LEKR1: variants seen among roughly 807,000 people sequenced by gnomAD.
LEKR1 encodes protein LEKR1.
In LEKR1, 59 loss-of-function variants were observed where a neutral mutation model predicts 72.4. That is an observed-to-expected ratio of 0.82 (90% confidence interval 0.66 to 1.01). The LOEUF (loss-of-function observed/expected upper bound fraction) is 1.01, where lower values mean the gene tolerates loss of function less well. Among genes scored for constraint, LEKR1 ranks in the 50% least tolerant of loss-of-function variants. The pLI is 0.00. For synonymous variants in LEKR1, 257 were observed against 263.2 expected, an observed-to-expected ratio of 0.98 and a Z score of 0.23; for missense variants, 728 against 759.2, an observed-to-expected ratio of 0.96 and a Z score of 0.48.
chr3:157,006,311 A>G (rs916656710), intron 9 of LEKR1, among the ~76,000 whole-genome samples: 2 of 152,274 alleles, frequency 1.3e-5, no homozygotes, highest in South Asian at 4.1e-4. Context: ...GGCCACTACT[A>G]TACATTTTTA....
intron 3 of LEKR1, among the ~76,000 whole-genome samples, chr3:156,905,795 C>A (rs1434817753): frequency 2.6e-5 from 4 of 152,150 alleles, no homozygotes; most frequent in Non-Finnish European, 5.9e-5. Context: ...GGTATAGAAG[C>A]CACTTCTCAT....
chr3:156,950,594 T>G (rs1207316748), intron 6 of LEKR1, among the ~76,000 whole-genome samples: 1 of 150,070 alleles, frequency 6.7e-6, no homozygotes, highest in Admixed American at 6.7e-5. Context: ...CCTAGGAATT[T>G]TGTGTGTGTG....
At chr3:156,993,779 G>T (rs188675249) in intron 9 of LEKR1, among the ~76,000 whole-genome samples, 23 of 152,250 alleles carry the variant, frequency 1.5e-4, no homozygotes, top group Non-Finnish European at 1.2e-4. Flanking sequence ...AAGTACATTG[G>T]TCCAGGCTTC....
rs369518934 is a variant in LEKR1, at chr3:157,037,227, A to G, written c.1669-8113A>G. 9.7e-4 allele frequency among the ~76,000 whole-genome samples: 147 copies of G among 152,312 alleles called. 4 individuals are homozygous for G. In the South Asian group the frequency reaches 0.028, roughly 29 times the overall value. ...GGGTAACTATCAGAAGAAATAGTTTAAAGATCTGAAAATGGTTATTCCTGG... is the reference window on the plus strand; with the variant it reads ...GGGTAACTATCAGAAGAAATAGTTTGAAGATCTGAAAATGGTTATTCCTGG... On this transcript the variant is annotated intron_variant, in intron 12 of 12. Transcript: ENST00000356539.
At chr3:156,935,021 T>A (rs1307093953) in intron 5 of LEKR1, among the ~76,000 whole-genome samples, 1 of 152,206 alleles carries the variant, frequency 6.6e-6, no homozygotes, top group Non-Finnish European at 1.5e-5. Flanking sequence ...GTTTTTTTTC[T>A]TTAACATAGT....
chr3:156,924,139 C>CT (rs1286479403), intron 4 of LEKR1, among the ~76,000 whole-genome samples: 2 of 152,304 alleles, frequency 1.3e-5, no homozygotes, highest in Admixed American at 6.5e-5. Context: ...TCAACACTCC[C>CT]TATTGTCTGC....
chr3:156,951,288 C>T (rs1727131296), intron 6 of LEKR1, among the ~76,000 whole-genome samples: 2 of 151,664 alleles, frequency 1.3e-5, no homozygotes, highest in South Asian at 4.1e-4. Context: ...AGGATTTTTG[C>T]ATTGATGTTC....
chr3:156,845,143 C>T (rs1344240482), intron 2 of LEKR1, among the ~76,000 whole-genome samples: 2 of 151,896 alleles, frequency 1.3e-5, no homozygotes, highest in African/African-American at 2.4e-5. Context: ...TCTGAATATC[C>T]TCTTATGTGA....
At chr3:156,961,672 G>A (rs1156335481) in intron 6 of LEKR1, among the ~76,000 whole-genome samples, 1 of 152,174 alleles carries the variant, frequency 6.6e-6, no homozygotes, top group East Asian at 1.9e-4. Context: ...ATGTGGTTCA[G>A]TTGGAAAAAA....
chr3:157,032,268 C>G (rs1157384227), intron 12 of LEKR1, among the ~76,000 whole-genome samples: 1 of 152,100 alleles, frequency 6.6e-6, no homozygotes, highest in Non-Finnish European at 1.5e-5. Flanking sequence ...TGTGGTAAAT[C>G]AAATAAACAG....
At chr3:156,926,402 CA>C (rs1295035286) in intron 4 of LEKR1, among the ~76,000 whole-genome samples, 4 of 151,978 alleles carry the variant, frequency 2.6e-5, no homozygotes, top group African/African-American at 9.7e-5. Flanking sequence ...TACTAATTAC[CA>C]AAGGCCTCCC....
intron 3 of LEKR1, among the ~76,000 whole-genome samples, chr3:156,883,255 C>T (rs1719673364): frequency 6.6e-6 from 1 of 152,142 alleles, no homozygotes; most frequent in Non-Finnish European, 1.5e-5. Context: ...CCATTTTCCC[C>T]ATTTGGAATG....
intron 12 of LEKR1, among the ~76,000 whole-genome samples, chr3:157,029,662 C>T (rs994619561): frequency 2.0e-5 from 3 of 152,056 alleles, no homozygotes; most frequent in African/African-American, 4.8e-5. Flanking sequence ...TGAAGGAAGC[C>T]GCACCCCTAG....
At position 156,891,251 on chromosome 3, in the gene LEKR1, A is replaced by T. The variant is rs1720640208; in HGVS notation, c.264-29324A>T. On this transcript the variant is annotated intron_variant, in intron 3 of 12. Transcript: ENST00000356539. ...CATCTTTGTGTTTGTTTATACTGTT[A>T]CATTTCAGAAGAATTTAATTCTGGA... 2.6e-5 allele frequency among the ~76,000 whole-genome samples: 4 copies of T among 152,174 alleles called. No individual in the cohort carries two copies. The South Asian group carries it at 6.2e-4, about 24-fold the overall frequency.
At chr3:157,023,142 C>T (rs1160156646) in intron 10 of LEKR1, among the ~76,000 whole-genome samples, 3 of 151,820 alleles carry the variant, frequency 2.0e-5, no homozygotes, top group Admixed American at 2.0e-4. Context: ...TGGCCTAAAT[C>T]ACACAGTCAC....
chr3:157,014,296 A>G (rs985437235), intron 10 of LEKR1, among the ~76,000 whole-genome samples: 2 of 152,110 alleles, frequency 1.3e-5, no homozygotes, highest in African/African-American at 4.8e-5. Context: ...TAATGACCTC[A>G]TTTAAAATAG....
In LEKR1 at chr3:156,975,896, A is replaced by G. The variant is rs149750232; in HGVS notation, c.746-3298A>G. ...GTAGGCATTTAGGGCCTTGTTCCTC[A>G]TAATCCAATGTCATGCTGAGTGACA... On this transcript the variant is annotated intron_variant, in intron 6 of 12. Coordinates refer to ENST00000356539, the MANE Select transcript of LEKR1 (RefSeq NM_001004316.3). Among the ~76,000 whole-genome samples, 846 of 152,302 alleles carry G rather than the reference A, an allele frequency of 5.6e-3. 1 individual carries two copies. Among genetic ancestry groups the G allele is most frequent in the Non-Finnish European group, 9.0e-3 (611 of 68,022 alleles).
intron 10 of LEKR1, among the ~76,000 whole-genome samples, chr3:157,021,836 T>A (rs1733856176): frequency 6.6e-6 from 1 of 152,132 alleles, no homozygotes; most frequent in Non-Finnish European, 1.5e-5. Flanking sequence ...ACTTATTGAT[T>A]ACTATTAATA....
intron 2 of LEKR1, among the ~76,000 whole-genome samples, chr3:156,839,544 A>G (rs917198607): frequency 2.0e-5 from 3 of 152,212 alleles, no homozygotes; most frequent in African/African-American, 7.2e-5. Context: ...TGGATATGGC[A>G]AAAAAGGTCA....
Sources: allele counts gnomAD v4.1 joint callset (sites outside exome capture counted in the v4.1 genomes callset), GRCh38; gene constraint gnomAD v4.1.1; transcripts MANE v1.5; gene names NCBI Gene and HGNC (gene_info 2026-07-23, HGNC 2026-07-21).